The following SPECC1 variants were observed in gnomAD, a reference collection of about 807,000 sequenced individuals.
The protein encoded by SPECC1 is sperm antigen with calponin homology and coiled-coil domains 1.
In SPECC1, 62 loss-of-function variants were observed where a neutral mutation model predicts 104.1. The ratio of observed to expected loss-of-function variants is 0.60; its 90% CI spans 0.49 to 0.74. SPECC1 has a LOEUF of 0.74. Ranked by LOEUF, SPECC1 falls within the 30% of genes least tolerant of loss-of-function variation. The pLI is 0.00. For missense variants in SPECC1, 1,306 were observed against 1,310.5 expected (o/e 1.00, Z 0.05); for synonymous variants, 513 against 501.6 (o/e 1.02, Z -0.30).
chr17:20,165,928 A>G (rs2033609868), intron 3 of SPECC1, among the ~76,000 whole-genome samples: 1 of 151,604 alleles, frequency 6.6e-6, no homozygotes, highest in Non-Finnish European at 1.5e-5. Context: ...TTCCTTGTAG[A>G]TTCTGGATAT....
intron 3 of SPECC1, among the ~76,000 whole-genome samples, chr17:20,158,992 C>T (rs1597843281): frequency 6.7e-6 from 1 of 148,614 alleles, no homozygotes; most frequent in South Asian, 2.1e-4. Flanking sequence ...GAGGCTTGTT[C>T]TGCCACCCAG....
chr17:20,225,901 C>T (rs1351799576), intron 4 of SPECC1, among the ~76,000 whole-genome samples: 1 of 152,164 alleles, frequency 6.6e-6, no homozygotes, highest in African/African-American at 2.4e-5. Context: ...AGTGAATGAT[C>T]CTGCAGTGCT....
intron 13 of SPECC1, among the ~76,000 whole-genome samples, chr17:20,304,362 A>G (rs2041693692): frequency 6.6e-6 from 1 of 152,150 alleles, no homozygotes; most frequent in African/African-American, 2.4e-5. Context: ...ATTATACTTA[A>G]TATAACAATT....
At chr17:20,193,791 T>G (rs2035825517) in intron 3 of SPECC1, among the ~76,000 whole-genome samples, 1 of 152,204 alleles carries the variant, frequency 6.6e-6, no homozygotes, top group African/African-American at 2.4e-5. Flanking sequence ...TGGGCAACTG[T>G]TGGAATTAAG....
intron 7 of SPECC1, among the ~76,000 whole-genome samples, chr17:20,240,298 T>G (rs539021524): frequency 6.6e-6 from 1 of 152,040 alleles, no homozygotes; most frequent in South Asian, 2.1e-4. Context: ...TTTTCCCTGC[T>G]TTTTCACTGA....
chr17:20,025,907 A>G (rs1049553422), intron 1 of SPECC1, among the ~76,000 whole-genome samples: 33 of 152,148 alleles, frequency 2.2e-4, no homozygotes, highest in African/African-American at 7.2e-4. Context: ...CCTAGTGCAT[A>G]TGAAGTGGTG....
intron 1 of SPECC1, among the ~76,000 whole-genome samples, chr17:20,055,701 A>G (rs966587926): frequency 6.6e-6 from 1 of 152,230 alleles, no homozygotes; most frequent in East Asian, 1.9e-4. Flanking sequence ...AAAGGCAGTG[A>G]AGAGTCTTTG....
At position 20,314,147 on chromosome 17, in the gene SPECC1, C is replaced by T. The variant is rs191585744; in HGVS notation, c.*82C>T. 7.8e-4 allele frequency: 920 copies of T among 1,178,210 alleles called. 3 individuals are homozygous for T. The African/African-American group carries it at 0.012, about 16-fold the overall frequency. 73.0% of individuals were successfully genotyped at this position (1,178,210 alleles called of 1,614,324 possible). ...GCCTGATTACTGTCCACTGACCCTG[C>T]TCTGCCCACCACCCAGCTGCCTAGA... On this transcript the variant is annotated 3_prime_UTR_variant, in exon 15 of 15. Coordinates refer to ENST00000395527, the MANE Select transcript of SPECC1 (RefSeq NM_001243439.2).
At chr17:20,093,719 T>G (rs1249572729) in intron 1 of SPECC1, among the ~76,000 whole-genome samples, 6 of 104,892 alleles carry the variant, frequency 5.7e-5, no homozygotes, top group African/African-American at 2.1e-4. Context: ...TTTTTGTTTT[T>G]GTTTTTGTTT....
chr17:20,133,753 T>C (rs2049778297), intron 3 of SPECC1, among the ~76,000 whole-genome samples: 3 of 152,220 alleles, frequency 2.0e-5, no homozygotes, highest in Non-Finnish European at 4.4e-5. Context: ...GAATGTATTG[T>C]ATTCATCCTA....
chr17:20,107,144 C>CAAAAAAAAAAAAAAA (rs531912350), intron 2 of SPECC1, among the ~76,000 whole-genome samples: 9 of 68,212 alleles, frequency 1.3e-4, no homozygotes, highest in Admixed American at 3.5e-4. Context: ...ACTCGTGTCT[C>CAAAAAAAAAAAAAAA]AAAAAAAAAA....
chr17:20,257,133 TG>T (rs1434620123), intron 10 of SPECC1, among the ~76,000 whole-genome samples: 1 of 152,184 alleles, frequency 6.6e-6, no homozygotes, highest in Non-Finnish European at 1.5e-5. Flanking sequence ...AGATACTACC[TG>T]GGGACAGGGC....
intron 1 of SPECC1, among the ~76,000 whole-genome samples, chr17:20,072,297 T>G (rs1044240613): frequency 1.3e-5 from 2 of 152,234 alleles, no homozygotes; most frequent in African/African-American, 4.8e-5. Flanking sequence ...CATCCTAGAC[T>G]TTCCTAAATC....
intron 3 of SPECC1, among the ~76,000 whole-genome samples, chr17:20,158,661 T>C (rs1160510115): frequency 6.6e-6 from 1 of 152,216 alleles, no homozygotes; most frequent in Middle Eastern, 3.2e-3. Context: ...TGCCTTCAGC[T>C]CAGAAGCTAA....
At chr17:20,195,791 C>A (rs530191663) in intron 3 of SPECC1, among the ~76,000 whole-genome samples, 30 of 152,138 alleles carry the variant, frequency 2.0e-4, no homozygotes, top group Non-Finnish European at 3.2e-4. Context: ...ATAAATAAAT[C>A]TTTCCAATCT....
At position 20,239,878 on chromosome 17, in the gene SPECC1, G is replaced by GT. The variant is rs60216339; in HGVS notation, c.2352-6016dup. Among the ~76,000 whole-genome samples, 134 of 36,946 alleles carry GT rather than the reference G, an allele frequency of 3.6e-3. 4 individuals are homozygous for GT. The highest frequency in any genetic ancestry group is 6.2e-3 in the African/African-American group (51 of 8,256). The allele number at this position is 36,946 out of a possible 152,430, so 24.2% of individuals were successfully genotyped here. On this transcript the variant is annotated intron_variant, in intron 7 of 14. Transcript: ENST00000395527. ...AGCACTTTAATTTGCATTTCGCTGA[G>GT]TTTTTTTTTTTTTTTTTTTTTTTTT...
chr17:20,285,426 C>A (rs1169898005), intron 12 of SPECC1, among the ~76,000 whole-genome samples: 1 of 147,564 alleles, frequency 6.8e-6, no homozygotes. Context: ...TTTTTTTTTT[C>A]CTAAACCCTC....
At chr17:20,030,719 G>A (rs751467437) in intron 1 of SPECC1, among the ~76,000 whole-genome samples, 1 of 152,048 alleles carries the variant, frequency 6.6e-6, no homozygotes, top group African/African-American at 2.4e-5. Context: ...TTACCCTCTG[G>A]GGTCACTTGT....
At chr17:20,191,756 T>C (rs1018921170) in intron 3 of SPECC1, among the ~76,000 whole-genome samples, 4 of 152,106 alleles carry the variant, frequency 2.6e-5, no homozygotes, top group Non-Finnish European at 5.9e-5. Context: ...ATGTTTGGTT[T>C]TCTGTATATA....
Sources: allele counts gnomAD v4.1 joint callset (sites outside exome capture counted in the v4.1 genomes callset), GRCh38; gene constraint gnomAD v4.1.1; transcripts MANE v1.5; gene names NCBI Gene and HGNC (gene_info 2026-07-23, HGNC 2026-07-21).